IP6K1: variants seen among roughly 807,000 people sequenced by gnomAD.
The protein encoded by IP6K1 is ATP:1D-myo-inositol-hexakisphosphate phosphotransferase.
A neutral mutation model predicts 38.3 loss-of-function variants in IP6K1; 13 were observed. The observed-to-expected ratio is 0.34, with a 90% CI of 0.22 to 0.54. The LOEUF (loss-of-function observed/expected upper bound fraction) is 0.54, where lower values mean the gene tolerates loss of function less well. IP6K1 is among the 20% of genes least tolerant of loss of function. The pLI is 0.92. For synonymous variants in IP6K1, 212 were observed against 229.9 expected (o/e 0.92, Z 0.70); for missense variants, 397 against 599.8 (o/e 0.66, Z 3.53).
Position 49,751,265 on chromosome 3 carries a change from C to T in IP6K1, c.-128-3097G>A, listed in dbSNP as rs577564635. 1.1e-4 allele frequency among the ~76,000 whole-genome samples: 17 copies of T among 152,150 alleles called. No individual in the cohort carries two copies. In the East Asian group the frequency reaches 2.3e-3, roughly 21 times the overall value. ...CTGCCTCCAGGGTTCAAGCGATTCT[C>T]GTGCCTCAGCCTCAGCCTCCTGAGT... On this transcript the variant is annotated intron_variant, in intron 1 of 5. Coordinates refer to ENST00000321599, the MANE Select transcript of IP6K1 (RefSeq NM_153273.4).
intron 1 of IP6K1, among the ~76,000 whole-genome samples, chr3:49,770,565 A>G (rs1283848596): frequency 5.9e-5 from 9 of 152,136 alleles, no homozygotes; most frequent in Non-Finnish European, 1.2e-4. Context: ...GAATGGCTTG[A>G]GCCCAGGAAG....
chr3:49,728,342 C>G, intron 4 of IP6K1, 64 bp from the exon 5 acceptor site: 1 of 1,538,438 alleles, frequency 6.5e-7, no homozygotes, highest in Non-Finnish European at 8.9e-7. Context: ...GAAAGCACAA[C>G]CCAGTTTTTC....
intron 1 of IP6K1, among the ~76,000 whole-genome samples, chr3:49,774,168 G>A (rs558164488): frequency 6.6e-6 from 1 of 152,148 alleles, no homozygotes; most frequent in African/African-American, 2.4e-5. Flanking sequence ...CACTTTGGGA[G>A]GCCAAGGCAG....
chr3:49,763,401 G>A (rs958394276), intron 1 of IP6K1, among the ~76,000 whole-genome samples: 21 of 151,870 alleles, frequency 1.4e-4, no homozygotes, highest in African/African-American at 4.1e-4. Context: ...CACCGCGCCC[G>A]GCCAAGGTCA....
At chr3:49,780,931 C>CA (rs778447790) in intron 1 of IP6K1, among the ~76,000 whole-genome samples, 1 of 152,184 alleles carries the variant, frequency 6.6e-6, no homozygotes, top group Non-Finnish European at 1.5e-5. Context: ...GTTTCCAACT[C>CA]AGACAAATCT....
At chr3:49,756,833 A>AG (rs1351626085) in intron 1 of IP6K1, among the ~76,000 whole-genome samples, 3 of 149,278 alleles carry the variant, frequency 2.0e-5, no homozygotes, top group Admixed American at 1.3e-4. Context: ...AAAAAAAAAA[A>AG]AAAAAAAAGA....
At chr3:49,785,044 G>A (rs993046782) in intron 1 of IP6K1, among the ~76,000 whole-genome samples, 1 of 152,150 alleles carries the variant, frequency 6.6e-6, no homozygotes, top group African/African-American at 2.4e-5. Context: ...CCACATACAA[G>A]AAGACTGTAC....
chr3:49,743,606 GT>G (rs1169796903), intron 2 of IP6K1, among the ~76,000 whole-genome samples: 16 of 129,336 alleles, frequency 1.2e-4, no homozygotes, highest in South Asian at 2.6e-4. Context: ...TTGAGCCATA[GT>G]TTTTTTTTTT....
chr3:49,744,101 T>A (rs1178478085), intron 2 of IP6K1, among the ~76,000 whole-genome samples: 1 of 151,594 alleles, frequency 6.6e-6, no homozygotes, highest in Non-Finnish European at 1.5e-5. Context: ...TATTTATTAA[T>A]CAAAATAAAT....
At chr3:49,771,371 T>TA (rs929893385) in intron 1 of IP6K1, among the ~76,000 whole-genome samples, 13 of 150,164 alleles carry the variant, frequency 8.7e-5, no homozygotes, top group Admixed American at 2.7e-4. Context: ...AAGCCAATTT[T>TA]AAAAAAAAAT....
rs573562400 is a variant in IP6K1 at position 49,740,922 on chromosome 3, C to T, written c.224-2500G>A. Reference sequence around the variant, plus strand: ...AGGCTGGAGTGCAGTGGTGCAACCTCAGCTCACTGCAATCTCCGCCTCCCG... The same window carrying T: ...AGGCTGGAGTGCAGTGGTGCAACCTTAGCTCACTGCAATCTCCGCCTCCCG... On this transcript the variant is annotated intron_variant, in intron 2 of 5. Coordinates refer to ENST00000321599, the MANE Select transcript of IP6K1 (RefSeq NM_153273.4). Among the ~76,000 whole-genome samples the T allele has an allele frequency of 5.3e-5, 8 of 150,908 alleles. No individual in the cohort carries two copies. In the East Asian group the frequency reaches 1.6e-3, roughly 29 times the overall value.
rs775413636 is a variant in IP6K1, at chr3:49,747,897, G to A, written c.144C>T (p.Cys48=). 6.2e-7 allele frequency: 1 copy of A among 1,614,216 alleles called. No homozygotes were observed. The highest frequency in any genetic ancestry group is 8.5e-7 in the Non-Finnish European group (1 of 1,180,036). The stretch of plus-strand genomic sequence containing the variant: ...GCTGTTCCCGGGAGATGAGGGGCTT[G>A]CACACAGTGTGATCGTCGTAACGCA... ...SMMRYDDHTV[C]KPLISREQRF... Residue 48 remains cysteine, a synonymous_variant, in exon 2 of 6, where the codon TGC becomes TGT. Transcript: ENST00000321599.
At chr3:49,764,895 T>C (rs1575322573) in intron 1 of IP6K1, among the ~76,000 whole-genome samples, 1 of 142,254 alleles carries the variant, frequency 7.0e-6, no homozygotes, top group African/African-American at 2.6e-5. Flanking sequence ...AAAAAAAGAA[T>C]CCCAATGAAC....
rs1247767531 is a variant in IP6K1, at chr3:49,724,414, C to T, written c.*2708G>A. The T allele has an allele frequency of 6.6e-6, 1 of 152,298 alleles. No individual in the cohort carries two copies. Among genetic ancestry groups the T allele is most frequent in the Non-Finnish European group, 1.5e-5 (1 of 68,098 alleles). 9.4% of individuals were successfully genotyped at this position (152,298 alleles called of 1,614,324 possible). A position where few individuals can be genotyped will look rare whatever the true frequency, so the allele number is the denominator to read the frequency against. On this transcript the variant is annotated 3_prime_UTR_variant, in exon 6 of 6. Transcript: ENST00000321599. ...GCACCCCCTCCCCCGCACGCAAGGTCCAAAGCAAACGCAACTGCGGCGGGA... is the reference window on the plus strand; with the variant it reads ...GCACCCCCTCCCCCGCACGCAAGGTTCAAAGCAAACGCAACTGCGGCGGGA...
chr3:49,759,169 G>A (rs1361291719), intron 1 of IP6K1, among the ~76,000 whole-genome samples: 1 of 152,144 alleles, frequency 6.6e-6, no homozygotes, highest in African/African-American at 2.4e-5. Flanking sequence ...TGAATTCTGA[G>A]AGGCACTAAA....
At chr3:49,740,683 T>G (rs970195610) in intron 2 of IP6K1, among the ~76,000 whole-genome samples, 1 of 152,158 alleles carries the variant, frequency 6.6e-6, no homozygotes, top group Non-Finnish European at 1.5e-5. Flanking sequence ...ATATCAGAAC[T>G]TCATTCTTTT....
intron 1 of IP6K1, among the ~76,000 whole-genome samples, chr3:49,783,435 G>C (rs2081084869): frequency 6.6e-6 from 1 of 151,514 alleles, no homozygotes; most frequent in Non-Finnish European, 1.5e-5. Flanking sequence ...TATTTTTGCT[G>C]GGTGCAGTAG....
rs202144754 is a variant in IP6K1, at chr3:49,743,241, TACACACACAC to T, written c.223+4567_223+4576del. On this transcript the variant is annotated intron_variant, in intron 2 of 5. Transcript: ENST00000321599. ...TCTCAAAACAAAAACAAAAACAAAA[TACACACACAC>T]ACACACACACACACACACACACACA... is the stretch of plus-strand genomic sequence containing the variant. Among the ~76,000 whole-genome samples the T allele has an allele frequency of 3.0e-3, 416 of 137,302 alleles. 1 individual carries two copies. Among genetic ancestry groups the T allele is most frequent in the Middle Eastern group, 0.015 (4 of 268 alleles). 90.1% of individuals were successfully genotyped at this position (137,302 alleles called of 152,430 possible).
In IP6K1 at chr3:49,747,800, A is replaced by C; in HGVS notation, c.223+18T>G. 2 of 1,614,122 alleles carry C rather than the reference A, an allele frequency of 1.2e-6. No homozygotes were observed. The highest frequency in any genetic ancestry group is 1.7e-6 in the Non-Finnish European group (2 of 1,180,008). ...AAGCCCAAGGCTGCTGCTTTCATTA[A>C]ACTGGCCAGTGACTGACCTTTGTAT... On this transcript the variant is annotated intron_variant, in intron 2 of 5. Coordinates refer to ENST00000321599, the MANE Select transcript of IP6K1 (RefSeq NM_153273.4).
Sources: gnomAD v4.1 joint callset for allele counts (sites outside exome capture counted in the v4.1 genomes callset) on GRCh38, gnomAD v4.1.1 for gene constraint, MANE v1.5 for transcripts, NCBI Gene and HGNC (gene_info 2026-07-23, HGNC 2026-07-21) for gene names.